Variants in LRRK2 observed in about 807,000 individuals in gnomAD.
LRRK2 encodes the protein leucine rich repeat kinase 2, also known as leucine-rich repeat serine/threonine-protein kinase 2.
LRRK2 carries 203 observed loss-of-function variants against 302.6 expected under a neutral mutation model. The observed-to-expected ratio is 0.67, with a 90% CI of 0.60 to 0.75. LRRK2 has a LOEUF of 0.75. Ranked by LOEUF, LRRK2 falls within the 30% of genes least tolerant of loss-of-function variation. The pLI is 0.00. For missense variants in LRRK2, 2,830 were observed against 2,951.0 expected (o/e 0.96, Z 0.95); for synonymous variants, 1,066 against 1,031.9 (o/e 1.03, Z -0.63).
At chr12:40,287,220 A>G (rs1943961790) in intron 19 of LRRK2, 131 bp from the exon 20 acceptor site, 2 of 779,906 alleles carry the variant, frequency 2.6e-6, no homozygotes, top group Admixed American at 2.1e-5. Context: ...TCACTAGTGT[A>G]AGGTGACTTT....
intron 2 of LRRK2, among the ~76,000 whole-genome samples, chr12:40,229,315 G>A (rs1047041464): frequency 5.9e-5 from 9 of 151,898 alleles, no homozygotes; most frequent in African/African-American, 2.2e-4. Flanking sequence ...TAATTTAATA[G>A]TAATTCTTAA....
chr12:40,269,281 G>A (rs983236775), intron 14 of LRRK2, among the ~76,000 whole-genome samples: 1 of 152,150 alleles, frequency 6.6e-6, no homozygotes, highest in Non-Finnish European at 1.5e-5. Flanking sequence ...AATCATTCAT[G>A]CTGTTTGCCA....
chr12:40,293,101 C>A (rs769510805), intron 20 of LRRK2, among the ~76,000 whole-genome samples: 2 of 151,422 alleles, frequency 1.3e-5, no homozygotes, highest in African/African-American at 4.9e-5. Flanking sequence ...CCTATTCCAG[C>A]GGTCTCCATA....
intron 14 of LRRK2, among the ~76,000 whole-genome samples, chr12:40,272,266 T>G (rs896265817): frequency 3.9e-5 from 6 of 152,214 alleles, no homozygotes; most frequent in Non-Finnish European, 7.3e-5. Context: ...AATGACAATC[T>G]GACTTTTTTT....
At position 40,259,571 on chromosome 12, in the gene LRRK2, G is replaced by A. The variant is rs958567101; in HGVS notation, c.1510G>A (p.Ala504Thr). Residue 504 changes from alanine (A) to threonine (T), a missense_variant, in exon 13 of 51, where the codon GCG (alanine) becomes ACG (threonine). Physicochemically the swap from Ala to Thr is moderately conservative, Grantham distance 58. Coordinates refer to ENST00000298910, the MANE Select transcript of LRRK2 (RefSeq NM_198578.4). ...HETSLPVQLE[A>T]LRAILHFIVP... ...GACATCATTACCAGTGCAGCTGGAGGCGCTTCGAGCTATTTTACATTTTAT... is the reference window on the plus strand; with the variant it reads ...GACATCATTACCAGTGCAGCTGGAGACGCTTCGAGCTATTTTACATTTTAT... The A allele has an allele frequency of 6.2e-7, 1 of 1,613,316 alleles. No homozygotes were observed. The highest frequency in any genetic ancestry group is 1.3e-5 in the African/African-American group (1 of 74,978).
chr12:40,236,138 T>G (rs1213228026), intron 4 of LRRK2, among the ~76,000 whole-genome samples: 2 of 152,170 alleles, frequency 1.3e-5, no homozygotes, highest in African/African-American at 4.8e-5. Context: ...TTTCTCCCTA[T>G]ATATCTTTAA....
rs201171722 is a variant in LRRK2 at position 40,251,498 on chromosome 12, A to G, written c.1135A>G (p.Met379Val). Residue 379 changes from methionine to valine, a missense_variant, in exon 10 of 51, where the codon ATG (methionine) becomes GTG (valine). By Grantham distance (21) the Met-to-Val change is conservative. This residue lies in a region of LRRK2 where 2,121 missense variants were observed against 2,148.0 expected (regional missense o/e 0.99). Coordinates refer to ENST00000298910, the MANE Select transcript of LRRK2 (RefSeq NM_198578.4). Reference protein sequence around the residue: ...AACWALNNLLMYQNSLHEKIG... With the variant: ...AACWALNNLLVYQNSLHEKIG... Reference sequence around the variant, plus strand: ...ATGCTGGGCACTAAATAATCTCCTTATGTACCAAAACAGTTTACATGAGAA... The same window carrying G: ...ATGCTGGGCACTAAATAATCTCCTTGTGTACCAAAACAGTTTACATGAGAA... 5.6e-6 allele frequency: 9 copies of G among 1,612,724 alleles called. No individual in the cohort carries two copies. The highest frequency in any genetic ancestry group is 2.7e-5 in the African/African-American group (2 of 74,880).
At chr12:40,324,752 G>C (rs1172836909) in intron 38 of LRRK2, among the ~76,000 whole-genome samples, 1 of 152,140 alleles carries the variant, frequency 6.6e-6, no homozygotes, top group African/African-American at 2.4e-5. Flanking sequence ...TGGAACTCAG[G>C]AAGTTAATGT....
rs370805423 is a variant in LRRK2, at chr12:40,322,139, C to T, written c.5275C>T (p.Pro1759Ser). 6.2e-7 allele frequency: 1 copy of T among 1,612,570 alleles called. No individual in the cohort carries two copies. Among genetic ancestry groups the T allele is most frequent in the South Asian group, 1.1e-5 (1 of 90,920 alleles). Residue 1759 changes from proline to serine, a missense_variant, in exon 36 of 51, where the codon CCA (proline) becomes TCA (serine). Physicochemically the swap from Pro to Ser is moderately conservative, Grantham distance 74. Coordinates refer to ENST00000298910, the MANE Select transcript of LRRK2 (RefSeq NM_198578.4). ...LVGSEVLDNH[P>S]ESFLKITVPS... is the part of the protein sequence containing the mutation. ...AGGATCTGAAGTCTTAGACAATCAT[C>T]CAGAGAGTTTCTTAAAAATTACAGT...
rs1940841230 is a variant in LRRK2, at chr12:40,225,751, T to G, written c.237+111T>G. On this transcript the variant is annotated intron_variant, in intron 2 of 50. Transcript: ENST00000298910. ...TCTTGGTTATTCCCAAAATTTGGCTTGAGGAACCTCTGACTGTGATTTTAA... is the reference window on the plus strand; with the variant it reads ...TCTTGGTTATTCCCAAAATTTGGCTGGAGGAACCTCTGACTGTGATTTTAA... 5.6e-6 allele frequency: 5 copies of G among 891,654 alleles called. No homozygotes were observed. The South Asian group carries it at 5.7e-5, about 10-fold the overall frequency. 55.2% of individuals were successfully genotyped at this position (891,654 alleles called of 1,614,324 possible). A position where few individuals can be genotyped will look rare whatever the true frequency, so the allele number is the denominator to read the frequency against.
At chr12:40,266,144 T>A (rs1160519842) in intron 14 of LRRK2, among the ~76,000 whole-genome samples, 1 of 152,030 alleles carries the variant, frequency 6.6e-6, no homozygotes, top group Non-Finnish European at 1.5e-5. Context: ...AAGCCAAAAT[T>A]GACAAATGGG....
chr12:40,318,059 G>A (rs575901543), intron 33 of LRRK2, among the ~76,000 whole-genome samples: 7 of 152,126 alleles, frequency 4.6e-5, no homozygotes, highest in African/African-American at 1.7e-4. Flanking sequence ...GGGCTTCCTC[G>A]TGGCACGGTG....
At chr12:40,358,467 A>G (rs1946609271) in intron 46 of LRRK2, among the ~76,000 whole-genome samples, 1 of 152,174 alleles carries the variant, frequency 6.6e-6, no homozygotes, top group African/African-American at 2.4e-5. Context: ...CTTTTCCAGC[A>G]CAATTTATTG....
At chr12:40,353,791 G>C (rs985307069) in intron 44 of LRRK2, among the ~76,000 whole-genome samples, 1 of 152,230 alleles carries the variant, frequency 6.6e-6, no homozygotes, top group Admixed American at 6.5e-5. Context: ...AGACCAGCCC[G>C]GCCAACACAG....
At chr12:40,270,927 A>G (rs536093642) in intron 14 of LRRK2, among the ~76,000 whole-genome samples, 2 of 152,144 alleles carry the variant, frequency 1.3e-5, no homozygotes, top group Admixed American at 6.6e-5. Flanking sequence ...AGAACTGGAT[A>G]TACTTACTTA....
rs759619337 is a variant in LRRK2, at chr12:40,298,245, T to G, written c.3099T>G (p.Thr1033=). 7 of 1,613,194 alleles carry G rather than the reference T, an allele frequency of 4.3e-6. No individual in the cohort carries two copies. The highest frequency in any genetic ancestry group is 5.9e-6 in the Non-Finnish European group (7 of 1,179,856). ...ATTTTAAACTATTGTCTTTTCAGAC[T>G]CTGAAGAGTTTGACACATTTGGACT... The part of the protein sequence containing the change: ...LTSFPQQLCE[T]LKSLTHLDLH... Residue 1033 remains threonine (T), a splice_region_variant and synonymous_variant, in exon 24 of 51, where the codon ACT becomes ACG. Coordinates refer to ENST00000298910, the MANE Select transcript of LRRK2 (RefSeq NM_198578.4).
At chr12:40,301,156 G>T in intron 25 of LRRK2, 1 of 455,744 alleles carries the variant, frequency 2.2e-6, no homozygotes, top group Non-Finnish European at 4.4e-6. Flanking sequence ...AATAGTTTGA[G>T]AAGTGGTCTT....
chr12:40,235,176 A>G (rs1941393017), intron 3 of LRRK2, among the ~76,000 whole-genome samples: 1 of 152,236 alleles, frequency 6.6e-6, no homozygotes, highest in Non-Finnish European at 1.5e-5. Context: ...TTGTAGAAAG[A>G]AACAAACACA....
intron 26 of LRRK2, among the ~76,000 whole-genome samples, chr12:40,303,499 C>G (rs1944700162): frequency 6.6e-6 from 1 of 151,996 alleles, no homozygotes. Flanking sequence ...AACACTATGG[C>G]TTTTTAGAAT....
Sources: gnomAD v4.1 joint callset for allele counts (sites outside exome capture counted in the v4.1 genomes callset) on GRCh38, gnomAD v4.1.1 for gene constraint, gnomAD v4.1.1 regional missense constraint, MANE v1.5 for transcripts, NCBI Gene and HGNC (gene_info 2026-07-23, HGNC 2026-07-21) for gene names.